The following PTPRD variants were observed in gnomAD, a reference collection of about 807,000 sequenced individuals.
PTPRD encodes the protein receptor-type tyrosine-protein phosphatase delta.
In PTPRD, 34 loss-of-function variants were observed where a neutral mutation model predicts 214.5. That is an observed-to-expected ratio of 0.16 (90% CI 0.12 to 0.21). The LOEUF is 0.21. PTPRD is among the 10% of genes least tolerant of loss of function. The pLI is 1.00. For synonymous variants in PTPRD, 1,128 were observed against 845.7 expected, an observed-to-expected ratio of 1.33 and a Z score of -5.79; for missense variants, 2,545 against 2,398.7, an observed-to-expected ratio of 1.06 and a Z score of -1.27.
At chr9:9,039,420 C>T (rs183520640) in intron 10 of PTPRD, among the ~76,000 whole-genome samples, 1 of 152,278 alleles carries the variant, frequency 6.6e-6, no homozygotes, top group East Asian at 1.9e-4. Context: ...ACTCCACATA[C>T]TTATCTCGAT....
At chr9:8,701,155 C>G (rs2098073666) in intron 12 of PTPRD, among the ~76,000 whole-genome samples, 1 of 151,450 alleles carries the variant, frequency 6.6e-6, no homozygotes, top group Non-Finnish European at 1.5e-5. Context: ...AGCAAGACTC[C>G]ATCTCAAAAA....
intron 11 of PTPRD, among the ~76,000 whole-genome samples, chr9:8,823,725 C>A (rs1325118229): frequency 6.6e-6 from 1 of 152,030 alleles, no homozygotes; most frequent in Non-Finnish European, 1.5e-5. Context: ...GGAAGGAAAC[C>A]ATTTTGTTAC....
At chr9:8,574,498 T>G (rs2091941316) in intron 14 of PTPRD, among the ~76,000 whole-genome samples, 1 of 152,002 alleles carries the variant, frequency 6.6e-6, no homozygotes, top group Admixed American at 6.6e-5. Flanking sequence ...AAATGTCCAT[T>G]AAAGCACTGT....
At chr9:10,327,171 G>GTGTGTATATA (rs71485326) in intron 3 of PTPRD, among the ~76,000 whole-genome samples, 1 of 142,878 alleles carries the variant, frequency 7.0e-6, no homozygotes, top group African/African-American at 2.5e-5. Flanking sequence ...ATATGTGTGT[G>GTGTGTATATA]TATATATATA....
chr9:9,601,152 T>TGAGG (rs1554681731), intron 7 of PTPRD, among the ~76,000 whole-genome samples: 1 of 67,230 alleles, frequency 1.5e-5, no homozygotes, highest in African/African-American at 8.6e-5. Context: ...TGTGTGTGTA[T>TGAGG]GGGGGGGGGA....
chr9:9,994,230 C>T (rs931577515), intron 4 of PTPRD, among the ~76,000 whole-genome samples: 2 of 152,148 alleles, frequency 1.3e-5, no homozygotes, highest in Admixed American at 6.5e-5. Flanking sequence ...TGAGAGCTCA[C>T]CCTCTTGGAT....
chr9:9,458,801 G>A (rs980617236), intron 8 of PTPRD, among the ~76,000 whole-genome samples: 3 of 152,086 alleles, frequency 2.0e-5, no homozygotes, highest in Non-Finnish European at 4.4e-5. Context: ...TTAGCTGAGT[G>A]TGGTGGTGTA....
At chr9:10,305,775 G>C (rs757503708) in intron 3 of PTPRD, among the ~76,000 whole-genome samples, 2 of 152,112 alleles carry the variant, frequency 1.3e-5, no homozygotes, top group Non-Finnish European at 2.9e-5. Flanking sequence ...GGAAACAACA[G>C]ATGCCGGAGA....
At chr9:9,711,823 A>T (rs1438148922) in intron 7 of PTPRD, among the ~76,000 whole-genome samples, 1 of 152,148 alleles carries the variant, frequency 6.6e-6, no homozygotes, top group Non-Finnish European at 1.5e-5. Flanking sequence ...TCTTATTTTG[A>T]GCTGGATTCA....
intron 2 of PTPRD, among the ~76,000 whole-genome samples, chr9:10,405,206 T>C (rs1294925391): frequency 6.6e-6 from 1 of 151,688 alleles, no homozygotes; most frequent in Non-Finnish European, 1.5e-5. Flanking sequence ...CATGTCAAAA[T>C]GCCAGACCAT....
chr9:8,540,923 G>T (rs924182211), intron 14 of PTPRD, among the ~76,000 whole-genome samples: 1 of 152,116 alleles, frequency 6.6e-6, no homozygotes, highest in East Asian at 1.9e-4. Context: ...ACTGTGGTAG[G>T]TATTTGTTTT....
intron 12 of PTPRD, among the ~76,000 whole-genome samples, chr9:8,649,633 AC>A (rs1179859539): frequency 6.6e-6 from 1 of 152,240 alleles, no homozygotes; most frequent in African/African-American, 2.4e-5. Flanking sequence ...AAACAAAAAA[AC>A]ATTTTTATAG....
At chr9:9,051,682 TTA>T (rs2099685887) in intron 10 of PTPRD, among the ~76,000 whole-genome samples, 1 of 152,166 alleles carries the variant, frequency 6.6e-6, no homozygotes, top group Non-Finnish European at 1.5e-5. Context: ...GACATGGTCA[TTA>T]AAAAAGAAGG....
intron 5 of PTPRD, among the ~76,000 whole-genome samples, chr9:9,883,137 G>A (rs10123009): frequency 0.083 from 12,649 of 151,972 alleles, 1,273 homozygotes; most frequent in African/African-American, 0.24. Flanking sequence ...TTACAGCAAC[G>A]CAAAATGAAC....
chr9:9,309,568 G>A (rs565262889), intron 9 of PTPRD, among the ~76,000 whole-genome samples: 88 of 152,102 alleles, frequency 5.8e-4, no homozygotes, highest in Non-Finnish European at 1.1e-3. Flanking sequence ...ATTTCTTTGA[G>A]GCTACAGATT....
intron 11 of PTPRD, among the ~76,000 whole-genome samples, chr9:8,802,394 C>T (rs1325686868): frequency 6.6e-6 from 1 of 152,138 alleles, no homozygotes; most frequent in Non-Finnish European, 1.5e-5. Flanking sequence ...TATCCAGCCA[C>T]ACCTAAAGGC....
At chr9:9,667,743 T>C (rs1252934820) in intron 7 of PTPRD, among the ~76,000 whole-genome samples, 1 of 152,120 alleles carries the variant, frequency 6.6e-6, no homozygotes, top group Non-Finnish European at 1.5e-5. Flanking sequence ...CTGAATCATT[T>C]GTGGTGCTTG....
At chr9:8,424,884 T>G in intron 35 of PTPRD, among the ~76,000 whole-genome samples, 1 of 152,176 alleles carries the variant, frequency 6.6e-6, no homozygotes, top group East Asian at 1.9e-4. Flanking sequence ...GCTTCATGCA[T>G]GAACTTTTAA....
chr9:8,458,126 T>C (rs372474942), intron 33 of PTPRD, among the ~76,000 whole-genome samples: 6 of 152,092 alleles, frequency 3.9e-5, no homozygotes, highest in African/African-American at 7.2e-5. Flanking sequence ...TTCCCAACAA[T>C]TGCATTAGAC....
Sources: allele counts gnomAD v4.1 joint callset (sites outside exome capture counted in the v4.1 genomes callset), GRCh38; gene constraint gnomAD v4.1.1; transcripts MANE v1.5; gene names NCBI Gene and HGNC (gene_info 2026-07-23, HGNC 2026-07-21).